Variants in GMDS observed in about 807,000 individuals in gnomAD.
GMDS encodes the protein GDP-mannose 4,6-dehydratase.
A neutral mutation model predicts 49.9 loss-of-function variants in GMDS; 20 were observed. The ratio of observed to expected loss-of-function variants is 0.40; its 90% confidence interval spans 0.28 to 0.58. The LOEUF (loss-of-function observed/expected upper bound fraction) is 0.58. Among genes scored for constraint, GMDS ranks in the 20% least tolerant of loss-of-function variants. The pLI is 0.42. For synonymous variants in GMDS, 177 were observed against 178.6 expected, an observed-to-expected ratio of 0.99 and a Z score of 0.07; for missense variants, 362 against 481.4, an observed-to-expected ratio of 0.75 and a Z score of 2.32.
intron 9 of GMDS, among the ~76,000 whole-genome samples, chr6:1,652,370 T>A (rs1581411951): frequency 8.3e-5 from 1 of 12,014 alleles, no homozygotes; most frequent in Non-Finnish European, 1.5e-4. Context: ...GAAACTCCGC[T>A]AAAAAAAAAA....
intron 1 of GMDS, among the ~76,000 whole-genome samples, chr6:2,207,636 T>C (rs1163202152): frequency 6.6e-6 from 1 of 151,990 alleles, no homozygotes; most frequent in Non-Finnish European, 1.5e-5. Context: ...GACGGTTTTG[T>C]TCCTAGCACC....
intron 7 of GMDS, among the ~76,000 whole-genome samples, chr6:1,773,387 T>C (rs1768663475): frequency 6.6e-6 from 1 of 152,014 alleles, no homozygotes; most frequent in Admixed American, 6.5e-5. Context: ...CTGCTTAGAA[T>C]GTTTAGCGCT....
chr6:2,127,210 A>G (rs919815938), intron 1 of GMDS, among the ~76,000 whole-genome samples: 4 of 152,222 alleles, frequency 2.6e-5, no homozygotes, highest in African/African-American at 9.6e-5. Context: ...AAATCAATCA[A>G]TGAGAAAACA....
intron 4 of GMDS, among the ~76,000 whole-genome samples, chr6:2,082,175 TGC>T (rs1772752642): frequency 6.6e-6 from 1 of 152,274 alleles, no homozygotes; most frequent in African/African-American, 2.4e-5. Context: ...CACACACGTG[TGC>T]GCACACACAC....
intron 7 of GMDS, among the ~76,000 whole-genome samples, chr6:1,773,690 T>C (rs1768676922): frequency 6.6e-6 from 1 of 152,214 alleles, no homozygotes; most frequent in Non-Finnish European, 1.5e-5. Context: ...ACACAGGAAT[T>C]CTAACCGTTT....
intron 1 of GMDS, among the ~76,000 whole-genome samples, chr6:2,134,935 TC>T (rs1431296431): frequency 1.3e-5 from 2 of 152,224 alleles, no homozygotes; most frequent in African/African-American, 4.8e-5. Context: ...AGATGTTTTT[TC>T]CCATTTATAT....
chr6:1,819,776 A>AAAAT (rs1446275838), intron 7 of GMDS, among the ~76,000 whole-genome samples: 93 of 103,490 alleles, frequency 9.0e-4, no homozygotes, highest in Non-Finnish European at 1.3e-3. Flanking sequence ...AAAAAAAAAA[A>AAAAT]ATATATATAT....
At chr6:1,914,097 C>CA (rs1656944266) in intron 7 of GMDS, among the ~76,000 whole-genome samples, 1 of 144,288 alleles carries the variant, frequency 6.9e-6, no homozygotes, top group East Asian at 2.1e-4. Context: ...TTACATAGAA[C>CA]GTGTGTCAAT....
At chr6:2,219,721 T>C (rs1161551671) in intron 1 of GMDS, among the ~76,000 whole-genome samples, 1 of 152,170 alleles carries the variant, frequency 6.6e-6, no homozygotes, top group Admixed American at 6.5e-5. Flanking sequence ...GGCACCAACT[T>C]AAACCAGAAA....
chr6:2,155,048 C>T (rs1288087334), intron 1 of GMDS, among the ~76,000 whole-genome samples: 1 of 151,858 alleles, frequency 6.6e-6, no homozygotes, highest in Non-Finnish European at 1.5e-5. Context: ...TTTTTCAACC[C>T]ATAAGACATG....
At chr6:2,156,621 A>T (rs1451148757) in intron 1 of GMDS, among the ~76,000 whole-genome samples, 2 of 152,210 alleles carry the variant, frequency 1.3e-5, no homozygotes, top group Non-Finnish European at 2.9e-5. Flanking sequence ...AAAAAACTTA[A>T]ATTTCAAAAT....
At chr6:1,857,755 T>G (rs1050936320) in intron 7 of GMDS, among the ~76,000 whole-genome samples, 1 of 152,216 alleles carries the variant, frequency 6.6e-6, no homozygotes, top group Non-Finnish European at 1.5e-5. Flanking sequence ...TGTGCAGACT[T>G]CTTGGTTTTG....
intron 7 of GMDS, among the ~76,000 whole-genome samples, chr6:1,929,415 G>A (rs1044533474): frequency 6.6e-6 from 1 of 152,176 alleles, no homozygotes; most frequent in African/African-American, 2.4e-5. Context: ...AAAGTAAAAG[G>A]TAACCATTTG....
chr6:1,663,803 C>A (rs182981570), intron 9 of GMDS, among the ~76,000 whole-genome samples: 199 of 152,314 alleles, frequency 1.3e-3, no homozygotes, highest in Non-Finnish European at 2.3e-3. Context: ...TCAGAGAGGC[C>A]TTCCTTGATC....
rs1268861555 is a variant in GMDS, at chr6:2,008,900, C to T, written c.346-47934G>A. On this transcript the variant is annotated intron_variant, in intron 4 of 10. Coordinates refer to ENST00000380815, the MANE Select transcript of GMDS (RefSeq NM_001500.4). ...TTTTGTGTTTAAGTTTCAGCTTTCT[C>T]TCTTACTTACTTTGCCAATTACTCT... Among the ~76,000 whole-genome samples the T allele has an allele frequency of 3.9e-5, 6 of 152,280 alleles. No individual in the cohort carries two copies. In the East Asian group the frequency reaches 1.2e-3, roughly 29 times the overall value.
At chr6:1,789,532 C>CTTTTTTTT (rs59996305) in intron 7 of GMDS, among the ~76,000 whole-genome samples, 7 of 141,262 alleles carry the variant, frequency 5.0e-5, no homozygotes, top group Non-Finnish European at 6.2e-5. Flanking sequence ...TTTCTTTTTT[C>CTTTTTTTT]TTTTTTTTTT....
chr6:2,181,418 CT>C (rs372026261), intron 1 of GMDS, among the ~76,000 whole-genome samples: 1 of 152,236 alleles, frequency 6.6e-6, no homozygotes, highest in African/African-American at 2.4e-5. Flanking sequence ...TCGGCAAATC[CT>C]ACCAATTCTA....
intron 1 of GMDS, among the ~76,000 whole-genome samples, chr6:2,187,983 C>A (rs538275737): frequency 1.3e-5 from 2 of 152,316 alleles, no homozygotes; most frequent in South Asian, 2.1e-4. Flanking sequence ...AAGCCTTCAG[C>A]CTCCTTGCAG....
intron 6 of GMDS, among the ~76,000 whole-genome samples, chr6:1,940,698 C>T (rs1378592460): frequency 6.6e-6 from 1 of 152,224 alleles, no homozygotes; most frequent in Non-Finnish European, 1.5e-5. Context: ...GAGATAGCTA[C>T]CACCTTTTGG....
Sources: allele counts gnomAD v4.1 joint callset (sites outside exome capture counted in the v4.1 genomes callset), GRCh38; gene constraint gnomAD v4.1.1; transcripts MANE v1.5; gene names NCBI Gene and HGNC (gene_info 2026-07-23, HGNC 2026-07-21).